The following STK32B variants were observed in gnomAD, a reference collection of about 807,000 sequenced individuals.
The protein encoded by STK32B is serine/threonine-protein kinase 32B.
Under a neutral mutation model 52.6 loss-of-function variants are expected in STK32B, and 43 were observed. The ratio of observed to expected loss-of-function variants is 0.82; its 90% CI spans 0.64 to 1.05. The LOEUF (loss-of-function observed/expected upper bound fraction) is 1.05, where lower values mean the gene tolerates loss of function less well. STK32B is among the 50% of genes least tolerant of loss of function. STK32B has a pLI of 0.00. For missense variants in STK32B, 621 were observed against 534.6 expected (o/e 1.16, Z -1.59); for synonymous variants, 238 against 204.3 (o/e 1.17, Z -1.41).
intron 4 of STK32B, among the ~76,000 whole-genome samples, chr4:5,376,498 G>T (rs953169501): frequency 1.3e-5 from 2 of 151,760 alleles, no homozygotes; most frequent in Admixed American, 6.6e-5. Flanking sequence ...GAGAGGATCC[G>T]CTCAGAGCAC....
chr4:5,457,201 G>GTT (rs869027028), intron 8 of STK32B, among the ~76,000 whole-genome samples: 4 of 139,278 alleles, frequency 2.9e-5, no homozygotes, highest in African/African-American at 5.7e-5. Context: ...TGCATGTGGG[G>GTT]TTTTTTTTTT....
chr4:5,170,664 A>T (rs1719297166), intron 3 of STK32B, among the ~76,000 whole-genome samples: 1 of 152,204 alleles, frequency 6.6e-6, no homozygotes, highest in South Asian at 2.1e-4. Context: ...GCTGCATAGT[A>T]TTCCATGGTG....
intron 3 of STK32B, among the ~76,000 whole-genome samples, chr4:5,314,121 G>GA (rs74581647): frequency 0.33 from 48,774 of 149,740 alleles, 12,723 homozygotes; most frequent in African/African-American, 0.73. Context: ...AAGCAATTTT[G>GA]AAAAAAAAAT....
intron 4 of STK32B, among the ~76,000 whole-genome samples, chr4:5,348,186 A>G (rs1733594178): frequency 2.0e-5 from 3 of 152,120 alleles, no homozygotes; most frequent in Admixed American, 2.0e-4. Context: ...CCAGATTCCC[A>G]CAACAGATTC....
intron 11 of STK32B, among the ~76,000 whole-genome samples, chr4:5,468,325 C>T (rs948930685): frequency 3.3e-5 from 5 of 152,182 alleles, no homozygotes; most frequent in Non-Finnish European, 7.3e-5. Context: ...GCTGCAGCAG[C>T]CCTGAGCGGG....
intron 2 of STK32B, among the ~76,000 whole-genome samples, chr4:5,163,874 A>C (rs735287): frequency 0.54 from 81,703 of 151,610 alleles, 22,245 homozygotes; most frequent in African/African-American, 0.6. Context: ...GCGAGAGGCT[A>C]AGGGTTTGGT....
chr4:5,235,774 G>C (rs529358486), intron 3 of STK32B, among the ~76,000 whole-genome samples: 7 of 152,168 alleles, frequency 4.6e-5, no homozygotes, highest in Non-Finnish European at 8.8e-5. Flanking sequence ...GCTTAGCAAG[G>C]CTAATAACGC....
chr4:5,308,785 C>T (rs745952510), intron 3 of STK32B, among the ~76,000 whole-genome samples: 1 of 152,078 alleles, frequency 6.6e-6, no homozygotes, highest in Non-Finnish European at 1.5e-5. Context: ...AACCCATAGT[C>T]AACAACATAC....
intron 4 of STK32B, among the ~76,000 whole-genome samples, chr4:5,377,775 A>G (rs1218582178): frequency 6.6e-6 from 1 of 152,124 alleles, no homozygotes; most frequent in Non-Finnish European, 1.5e-5. Flanking sequence ...GCCAGCCACC[A>G]TGTAAGACAT....
intron 6 of STK32B, among the ~76,000 whole-genome samples, chr4:5,421,089 T>A (rs1475445389): frequency 1.5e-5 from 2 of 137,064 alleles, no homozygotes; most frequent in African/African-American, 5.6e-5. Flanking sequence ...GTTTTTGTTT[T>A]TGTTTTTGTT....
chr4:5,289,853 T>A lies in STK32B; in HGVS notation c.261-41367T>A, dbSNP rs186936143. On this transcript the variant is annotated intron_variant, in intron 3 of 11. Transcript: ENST00000282908. Reference sequence around the variant, plus strand: ...GAGCCACCACGCCCGGCCTATTTTATTCTCTTTTTAGAGCTTTTATTTTAG... The same window carrying A: ...GAGCCACCACGCCCGGCCTATTTTAATCTCTTTTTAGAGCTTTTATTTTAG... Among the ~76,000 whole-genome samples the A allele has an allele frequency of 3.3e-3, 497 of 152,096 alleles. 4 individuals carry two copies. The highest frequency in any genetic ancestry group is 0.011 in the African/African-American group (475 of 41,502).
At chr4:5,480,341 G>A (rs891315218) in intron 11 of STK32B, among the ~76,000 whole-genome samples, 14 of 152,102 alleles carry the variant, frequency 9.2e-5, no homozygotes, top group South Asian at 2.1e-4. Context: ...CAAGGTGGTC[G>A]GGGTACAGCT....
chr4:5,312,533 C>T (rs779694269), intron 3 of STK32B, among the ~76,000 whole-genome samples: 1 of 151,368 alleles, frequency 6.6e-6, no homozygotes, highest in Non-Finnish European at 1.5e-5. Context: ...TGAGAACATG[C>T]GTGTTTGGTT....
chr4:5,490,052 T>G (rs1346095962), intron 11 of STK32B, among the ~76,000 whole-genome samples: 1 of 151,984 alleles, frequency 6.6e-6, no homozygotes, highest in African/African-American at 2.4e-5. Context: ...CCCAAATTAT[T>G]TTTTGAAAAA....
intron 3 of STK32B, among the ~76,000 whole-genome samples, chr4:5,316,246 GT>G (rs1730702479): frequency 2.2e-5 from 1 of 44,472 alleles, no homozygotes; most frequent in African/African-American, 2.6e-4. Flanking sequence ...ATTATATATT[GT>G]ATATATAATA....
At chr4:5,195,279 A>G (rs1393059830) in intron 3 of STK32B, among the ~76,000 whole-genome samples, 3 of 152,184 alleles carry the variant, frequency 2.0e-5, no homozygotes, top group African/African-American at 7.2e-5. Flanking sequence ...GTTTGCTCAC[A>G]TAGAAGTAAG....
At chr4:5,267,929 A>G (rs992258964) in intron 3 of STK32B, among the ~76,000 whole-genome samples, 2 of 152,106 alleles carry the variant, frequency 1.3e-5, no homozygotes, top group African/African-American at 4.8e-5. Context: ...GAGAGTAGGG[A>G]GGATGGTTAC....
chr4:5,440,278 C>A (rs898421470), intron 6 of STK32B, among the ~76,000 whole-genome samples: 9 of 152,054 alleles, frequency 5.9e-5, no homozygotes, highest in South Asian at 2.1e-4. Flanking sequence ...CTTTTATTTC[C>A]TTGAGCAGTG....
At chr4:5,299,862 A>G (rs966027703) in intron 3 of STK32B, among the ~76,000 whole-genome samples, 8 of 152,358 alleles carry the variant, frequency 5.3e-5, no homozygotes, top group Non-Finnish European at 1.0e-4. Flanking sequence ...TACCAGATGT[A>G]TGAAGAAGAG....
Sources: allele counts gnomAD v4.1 joint callset (sites outside exome capture counted in the v4.1 genomes callset), GRCh38; gene constraint gnomAD v4.1.1; transcripts MANE v1.5; gene names NCBI Gene and HGNC (gene_info 2026-07-23, HGNC 2026-07-21).